MAP3K1: variants seen among roughly 807,000 people sequenced by gnomAD.
MAP3K1 encodes MAP/ERK kinase kinase 1.
In MAP3K1, 36 loss-of-function variants were observed where a neutral mutation model predicts 144.2. The ratio of observed to expected loss-of-function variants is 0.25; its 90% CI spans 0.19 to 0.33. The LOEUF (loss-of-function observed/expected upper bound fraction) is 0.33. MAP3K1 is among the 10% of genes least tolerant of loss of function. The pLI, the probability that MAP3K1 is intolerant of heterozygous loss-of-function variation, is 1.00. For synonymous variants in MAP3K1, 718 were observed against 688.7 expected, an observed-to-expected ratio of 1.04 and a Z score of -0.67; for missense variants, 1,650 against 1,881.9, an observed-to-expected ratio of 0.88 and a Z score of 2.28.
intron 1 of MAP3K1, among the ~76,000 whole-genome samples, chr5:56,854,436 AAAAAAAAAAAAAAAGAAAG>A (rs1319773751): frequency 6.6e-6 from 1 of 150,786 alleles, no homozygotes; most frequent in Non-Finnish European, 1.5e-5. Context: ...CCATCTCAAA[AAAAAAAAAAAAAAAGAAAG>A]AAAAAAGAAA....
intron 1 of MAP3K1, among the ~76,000 whole-genome samples, chr5:56,843,154 G>T (rs914893001): frequency 6.6e-6 from 1 of 152,162 alleles, no homozygotes; most frequent in African/African-American, 2.4e-5. Context: ...TTGGGTGGCT[G>T]TTGCTCCATA....
chr5:56,893,617 A>G lies in MAP3K1; in HGVS notation c.4476A>G (p.Gln1492=), dbSNP rs781158571. 6.8e-6 allele frequency: 11 copies of G among 1,614,018 alleles called. 1 individual carries two copies. The highest frequency in any genetic ancestry group is 6.6e-5 in the South Asian group (6 of 91,088). ...TGGCTCTTCGTTGTTTAGAACTTCA[A>G]CCTCAGGACAGACCTCCATCAAGAG... is the stretch of plus-strand genomic sequence containing the variant. ...RDVALRCLEL[Q]PQDRPPSREL... is the part of the protein sequence containing the mutation. The change falls in exon 20 of 20, where the codon CAA becomes CAG. Residue 1492 remains glutamine (Q), a synonymous_variant. Transcript: ENST00000399503.
At chr5:56,866,646 C>T (rs949045486) in intron 6 of MAP3K1, among the ~76,000 whole-genome samples, 4 of 152,074 alleles carry the variant, frequency 2.6e-5, no homozygotes, top group African/African-American at 7.2e-5. Context: ...CCGAAGTGCC[C>T]AGTTTGAGAA....
chr5:56,876,517 A>G (rs569342443), intron 10 of MAP3K1, among the ~76,000 whole-genome samples: 7 of 152,270 alleles, frequency 4.6e-5, no homozygotes, highest in African/African-American at 1.2e-4. Flanking sequence ...TGGAGTCACA[A>G]TTGAGTGATC....
intron 16 of MAP3K1, among the ~76,000 whole-genome samples, chr5:56,885,603 T>G (rs1297172082): frequency 1.3e-5 from 2 of 152,188 alleles, no homozygotes; most frequent in African/African-American, 4.8e-5. Flanking sequence ...ATTGTTTACT[T>G]TAGTCATTAA....
At chr5:56,883,505 A>T (rs1484525112) in intron 14 of MAP3K1, 22 bp from the exon 15 acceptor site, 11 of 1,612,296 alleles carry the variant, frequency 6.8e-6, no homozygotes, top group South Asian at 1.1e-5. Flanking sequence ...CAGTAAAAAG[A>T]TTGCTTTCGT....
chr5:56,819,177 CT>C (rs1160282300), intron 1 of MAP3K1, among the ~76,000 whole-genome samples: 1 of 152,124 alleles, frequency 6.6e-6, no homozygotes, highest in Non-Finnish European at 1.5e-5. Flanking sequence ...TTGTTGCCAA[CT>C]TTTATTTTCT....
chr5:56,862,430 C>T (rs544152908), intron 3 of MAP3K1, among the ~76,000 whole-genome samples: 8 of 152,194 alleles, frequency 5.3e-5, no homozygotes, highest in Non-Finnish European at 8.8e-5. Flanking sequence ...TGGGGGCCAT[C>T]AAAATGAAAG....
In MAP3K1 at chr5:56,844,246, C is replaced by T. The variant is rs1231265048; in HGVS notation, c.483-12354C>T. On this transcript the variant is annotated intron_variant, in intron 1 of 19. Transcript: ENST00000399503. ...GCTCTGTCGCCCAGGCTGGAGGGATCTCAGCTCACTGCAAGCTCCGCCTCC... is the reference window on the plus strand; with the variant it reads ...GCTCTGTCGCCCAGGCTGGAGGGATTTCAGCTCACTGCAAGCTCCGCCTCC... 2.5e-5 allele frequency among the ~76,000 whole-genome samples: 3 copies of T among 117,708 alleles called. No homozygotes were observed. The Admixed American group carries it at 3.6e-4, about 14-fold the overall frequency. The allele number at this position is 117,708 out of a possible 152,430, so 77.2% of individuals were successfully genotyped here.
At chr5:56,852,233 G>A (rs1398124998) in intron 1 of MAP3K1, among the ~76,000 whole-genome samples, 1 of 152,186 alleles carries the variant, frequency 6.6e-6, no homozygotes, top group Non-Finnish European at 1.5e-5. Flanking sequence ...AAGATGATTA[G>A]ACATAGAACC....
rs1038730867 is a variant in MAP3K1 at position 56,816,027 on chromosome 5, G to A, written c.454G>A (p.Glu152Lys). ...CGGGGAGAAGCGGGCGCCCGCCGCC[G>A]AGCCGTCTCCTGCAGCGGCCCCCGC... is the stretch of plus-strand genomic sequence containing the variant. ...EPGEKRAPAA[E>K]PSPAAAPAGR... The change falls in exon 1 of 20, where the codon GAG (glutamate) becomes AAG (lysine). Residue 152 changes from glutamate (E) to lysine (K), a missense_variant. By Grantham distance (56) the Glu-to-Lys change is moderately conservative. Transcript: ENST00000399503. 4.1e-6 allele frequency: 5 copies of A among 1,220,380 alleles called. No individual in the cohort carries two copies. Among genetic ancestry groups the A allele is most frequent in the South Asian group, 4.0e-5 (1 of 24,816 alleles). The allele number at this position is 1,220,380 out of a possible 1,614,324, so 75.6% of individuals were successfully genotyped here. A position where few individuals can be genotyped will look rare whatever the true frequency, so the allele number is the denominator to read the frequency against.
At chr5:56,866,569 T>TA (rs1747681242) in intron 6 of MAP3K1, among the ~76,000 whole-genome samples, 1 of 152,192 alleles carries the variant, frequency 6.6e-6, no homozygotes. Context: ...GTGTAAAAAT[T>TA]AGATTTTTAA....
At position 56,871,979 on chromosome 5, in the gene MAP3K1, AGT is replaced by A; in HGVS notation, c.1377_1378del (p.Cys459Ter). On this transcript the variant is annotated frameshift_variant, in exon 7 of 20. Coordinates refer to ENST00000399503, the MANE Select transcript of MAP3K1 (RefSeq NM_005921.2). LOFTEE classifies it high-confidence loss of function. ...LGMLDEESLT[V>X]CEDGCRNKLH... ...GCATGCTTGATGAAGAAAGTCTTAC[AGT>A]GTGTGAAGACGGCTGCAGGAACAAG... 1 of 1,613,966 alleles carries A rather than the reference AGT, an allele frequency of 6.2e-7. No individual in the cohort carries two copies. Among genetic ancestry groups the A allele is most frequent in the Non-Finnish European group, 8.5e-7 (1 of 1,179,852 alleles).
Position 56,875,230 on chromosome 5 carries a change from G to A in MAP3K1, c.1885G>A (p.Gly629Arg). The A allele has an allele frequency of 6.2e-7, 1 of 1,614,148 alleles. No individual in the cohort carries two copies. ...TGGGTCTTCCCAGACCAGTATCTCA[G>A]GAGATGTGGTGGAGGCATGCTGCAG... is the stretch of plus-strand genomic sequence containing the variant. ...TSGSSQTSIS[G>R]DVVEACCSVL... The change falls in exon 10 of 20, where the codon GGA becomes AGA. Residue 629 changes from glycine to arginine, a missense_variant. Gly to Arg is a moderately radical substitution (Grantham distance 125). Coordinates refer to ENST00000399503, the MANE Select transcript of MAP3K1 (RefSeq NM_005921.2).
At chr5:56,873,070 C>A in intron 9 of MAP3K1, 65 bp downstream of exon 9, 2 of 1,425,968 alleles carry the variant, frequency 1.4e-6, no homozygotes, top group Non-Finnish European at 2.0e-6. Context: ...GTATTTGTCT[C>A]CTTCCCTCAG....
chr5:56,823,579 G>A (rs1321723810), intron 1 of MAP3K1, among the ~76,000 whole-genome samples: 1 of 152,220 alleles, frequency 6.6e-6, no homozygotes, highest in African/African-American at 2.4e-5. Flanking sequence ...GAATGAGAGG[G>A]ATAATGGCAT....
At chr5:56,856,853 A>G in intron 2 of MAP3K1, 103 bp downstream of exon 2, 1 of 1,253,986 alleles carries the variant, frequency 8.0e-7, no homozygotes, top group South Asian at 1.3e-5. Flanking sequence ...TTCATTTTAA[A>G]TGTAGTAGTT....
At chr5:56,841,861 C>G (rs1398689724) in intron 1 of MAP3K1, among the ~76,000 whole-genome samples, 2 of 152,190 alleles carry the variant, frequency 1.3e-5, no homozygotes, top group African/African-American at 4.8e-5. Context: ...CCCCTGAATC[C>G]TGTCATTTTC....
chr5:56,895,102 G>C lies in MAP3K1; in HGVS notation c.*1422G>C, dbSNP rs1748665361. 4.3e-6 allele frequency: 1 copy of C among 231,332 alleles called. No homozygotes were observed. The highest frequency in any genetic ancestry group is 2.2e-5 in the African/African-American group (1 of 45,248). The allele number at this position is 231,332 out of a possible 1,614,324, so 14.3% of individuals were successfully genotyped here. On this transcript the variant is annotated 3_prime_UTR_variant, in exon 20 of 20. Transcript: ENST00000399503. ...GAATTGGTTATTCTCAAAGACTCAGGATAAACTAAATAAGCTATATATAGA... is the reference window on the plus strand; with the variant it reads ...GAATTGGTTATTCTCAAAGACTCAGCATAAACTAAATAAGCTATATATAGA...
Sources: gnomAD v4.1 joint callset for allele counts (sites outside exome capture counted in the v4.1 genomes callset) on GRCh38, gnomAD v4.1.1 for gene constraint, MANE v1.5 for transcripts, NCBI Gene and HGNC (gene_info 2026-07-23, HGNC 2026-07-21) for gene names.